MDGA2: variants seen among roughly 807,000 people sequenced by gnomAD.
MDGA2 encodes the protein MAM domain containing glycosylphosphatidylinositol anchor 2, also known as MAM domain-containing glycosylphosphatidylinositol anchor protein 2.
A neutral mutation model predicts 117.8 loss-of-function variants in MDGA2; 40 were observed. The ratio of observed to expected loss-of-function variants is 0.34; its 90% CI spans 0.26 to 0.44. The LOEUF is 0.44. MDGA2 is among the 20% of genes least tolerant of loss of function. The probability of loss-of-function intolerance (pLI) is 1.00; values close to 1 mark genes in which losing one functional copy is unlikely to be tolerated. For synonymous variants in MDGA2, 452 were observed against 439.0 expected (o/e 1.03, Z -0.37); for missense variants, 1,123 against 1,250.6 (o/e 0.90, Z 1.54).
At chr14:46,931,525 C>G (rs1345589052) in intron 9 of MDGA2, among the ~76,000 whole-genome samples, 1 of 128,924 alleles carries the variant, frequency 7.8e-6, no homozygotes, top group East Asian at 2.2e-4. Flanking sequence ...TTTATTTTTG[C>G]TTTTTTTTTT....
intron 1 of MDGA2, among the ~76,000 whole-genome samples, chr14:47,361,327 C>T (rs557523848): frequency 4.0e-5 from 6 of 151,734 alleles, no homozygotes; most frequent in Admixed American, 6.6e-5. Context: ...CATCTGCAAG[C>T]GAAGGAGAGA....
chr14:47,447,963 C>A (rs1401895536), intron 1 of MDGA2, among the ~76,000 whole-genome samples: 1 of 151,852 alleles, frequency 6.6e-6, no homozygotes, highest in Non-Finnish European at 1.5e-5. Flanking sequence ...CTTGTATTTT[C>A]CTGAGTGGGG....
At chr14:47,130,668 A>G (rs1245022198) in intron 5 of MDGA2, among the ~76,000 whole-genome samples, 1 of 152,116 alleles carries the variant, frequency 6.6e-6, no homozygotes, top group African/African-American at 2.4e-5. Context: ...AGTGTGTTTC[A>G]CATGCTTTAT....
chr14:47,072,293 C>CTATT (rs1406542142), intron 6 of MDGA2, among the ~76,000 whole-genome samples: 1 of 152,018 alleles, frequency 6.6e-6, no homozygotes, highest in Non-Finnish European at 1.5e-5. Context: ...TATATTGTAC[C>CTATT]TATACACAGT....
At chr14:47,261,728 C>T (rs1325220837) in intron 2 of MDGA2, among the ~76,000 whole-genome samples, 1 of 152,112 alleles carries the variant, frequency 6.6e-6, no homozygotes, top group Non-Finnish European at 1.5e-5. Context: ...TGTCTGGGTG[C>T]TCACCATGCC....
chr14:47,061,355 G>T lies in MDGA2; in HGVS notation c.1419C>A (p.Ile473=). 1.2e-6 allele frequency: 2 copies of T among 1,613,520 alleles called. No individual in the cohort carries two copies. The highest frequency in any genetic ancestry group is 1.7e-6 in the Non-Finnish European group (2 of 1,179,650). The change falls in exon 7 of 17, where the codon ATC becomes ATA. Residue 473 remains isoleucine (I), a synonymous_variant. Transcript: ENST00000399232. ...DVSPGTTNLD[I]IDLKFTDFGT... The stretch of plus-strand genomic sequence containing the variant: ...CAAAATCCGTGAATTTTAAATCAAT[G>T]ATGTCCAAGTTTGTTGTTCCCGGAG...
chr14:47,552,799 T>A (rs1594913527), intron 1 of MDGA2, among the ~76,000 whole-genome samples: 1 of 136,634 alleles, frequency 7.3e-6, no homozygotes, highest in Non-Finnish European at 1.6e-5. Flanking sequence ...CATCTCTTAC[T>A]ACCCCTAATC....
At chr14:46,922,935 G>T (rs865945409) in intron 9 of MDGA2, among the ~76,000 whole-genome samples, 3 of 152,284 alleles carry the variant, frequency 2.0e-5, no homozygotes, top group Middle Eastern at 3.4e-3. Flanking sequence ...TCAGGAAGTA[G>T]CTATCTTATT....
At chr14:46,917,252 C>T (rs1883936492) in intron 10 of MDGA2, among the ~76,000 whole-genome samples, 1 of 152,144 alleles carries the variant, frequency 6.6e-6, no homozygotes, top group African/African-American at 2.4e-5. Context: ...GAATAAAACT[C>T]AAATAATAAA....
intron 1 of MDGA2, among the ~76,000 whole-genome samples, chr14:47,562,380 G>A (rs774961442): frequency 6.6e-6 from 1 of 151,962 alleles, no homozygotes; most frequent in Non-Finnish European, 1.5e-5. Flanking sequence ...TGTTTGTTTG[G>A]TTGGTTGGCA....
At chr14:46,878,275 T>G (rs896393964) in intron 11 of MDGA2, among the ~76,000 whole-genome samples, 1 of 152,026 alleles carries the variant, frequency 6.6e-6, no homozygotes, top group African/African-American at 2.4e-5. Flanking sequence ...GGGCCAAATT[T>G]GTATCTGTAT....
intron 2 of MDGA2, among the ~76,000 whole-genome samples, chr14:47,258,455 A>G (rs1023642010): frequency 6.6e-6 from 1 of 152,050 alleles, no homozygotes; most frequent in South Asian, 2.1e-4. Context: ...CTCACTCACT[A>G]TCACAAGAAC....
At chr14:47,581,173 C>T (rs1169425522) in intron 1 of MDGA2, among the ~76,000 whole-genome samples, 1 of 151,954 alleles carries the variant, frequency 6.6e-6, no homozygotes, top group African/African-American at 2.4e-5. Context: ...TCTCCAACCT[C>T]TCCTTTATTA....
intron 1 of MDGA2, among the ~76,000 whole-genome samples, chr14:47,491,752 C>T (rs964456865): frequency 2.6e-5 from 4 of 151,350 alleles, no homozygotes; most frequent in African/African-American, 7.3e-5. Flanking sequence ...TAACTTTGGA[C>T]AATTGTTATT....
chr14:47,598,007 A>T (rs982896214), intron 1 of MDGA2, among the ~76,000 whole-genome samples: 1 of 152,166 alleles, frequency 6.6e-6, no homozygotes, highest in Admixed American at 6.6e-5. Flanking sequence ...ACATAGTCAT[A>T]AAGTGTGCTT....
intron 1 of MDGA2, among the ~76,000 whole-genome samples, chr14:47,425,052 C>A (rs1403786066): frequency 6.6e-6 from 1 of 152,124 alleles, no homozygotes; most frequent in Non-Finnish European, 1.5e-5. Context: ...GAGCAGCTCC[C>A]AAGGTAGACC....
chr14:47,160,458 G>A (rs182870520), intron 3 of MDGA2, among the ~76,000 whole-genome samples: 485 of 152,210 alleles, frequency 3.2e-3, no homozygotes, highest in South Asian at 0.013. Context: ...CTTTGGCTAG[G>A]ATTTCAACAC....
At position 47,227,875 on chromosome 14, in the gene MDGA2, T is replaced by G. The variant is rs548603028; in HGVS notation, c.421-9680A>C. Among the ~76,000 whole-genome samples the G allele has an allele frequency of 2.6e-5, 4 of 152,300 alleles. No homozygotes were observed. The South Asian group carries it at 8.3e-4, about 32-fold the overall frequency. Reference sequence around the variant, plus strand: ...TACATTCACTTCCTCAGTCACTTCATGGAGTACTTTAAATACCATTTATGT... The same window carrying G: ...TACATTCACTTCCTCAGTCACTTCAGGGAGTACTTTAAATACCATTTATGT... On this transcript the variant is annotated intron_variant, in intron 2 of 16. Transcript: ENST00000399232.
chr14:46,846,719 A>G (rs886230288), intron 15 of MDGA2, among the ~76,000 whole-genome samples: 1 of 152,130 alleles, frequency 6.6e-6, no homozygotes, highest in African/African-American at 2.4e-5. Context: ...TGCTTTCAGC[A>G]AAACTTTAAT....
Sources: gnomAD v4.1 joint callset for allele counts (sites outside exome capture counted in the v4.1 genomes callset) on GRCh38, gnomAD v4.1.1 for gene constraint, MANE v1.5 for transcripts, NCBI Gene and HGNC (gene_info 2026-07-23, HGNC 2026-07-21) for gene names.